Variants in PPP2R2A observed in about 807,000 individuals in gnomAD.
PPP2R2A encodes the protein protein phosphatase 2 regulatory subunit Balpha.
A neutral mutation model predicts 53.2 loss-of-function variants in PPP2R2A; 9 were observed. The observed-to-expected ratio is 0.17, with a 90% CI of 0.10 to 0.30. The LOEUF is 0.30. PPP2R2A is among the 10% of genes least tolerant of loss of function. PPP2R2A has a pLI of 1.00. For missense variants in PPP2R2A, 235 were observed against 534.6 expected (o/e 0.44, Z 5.53); for synonymous variants, 169 against 174.2 (o/e 0.97, Z 0.23).
chr8:26,297,115 GGTGTGT>G (rs370450342), intron 2 of PPP2R2A, among the ~76,000 whole-genome samples: 2 of 151,236 alleles, frequency 1.3e-5, no homozygotes, highest in Admixed American at 6.6e-5. Context: ...AAATTCTTTT[GGTGTGT>G]GTGTGTGTGT....
intron 1 of PPP2R2A, chr8:26,292,141 A>T: frequency 1.7e-6 from 2 of 1,209,914 alleles, no homozygotes; most frequent in Non-Finnish European, 2.1e-6. Context: ...CCCGCTCGGG[A>T]GCCTGGTGGA....
intron 4 of PPP2R2A, among the ~76,000 whole-genome samples, chr8:26,355,171 T>G (rs778460977): frequency 6.6e-6 from 1 of 152,190 alleles, no homozygotes; most frequent in Non-Finnish European, 1.5e-5. Context: ...GAGAGCACTT[T>G]CTTACTTGAT....
At position 26,360,331 on chromosome 8, in the gene PPP2R2A, T is replaced by C; in HGVS notation, c.459+50T>C. 9.1e-7 allele frequency: 1 copy of C among 1,099,392 alleles called. No homozygotes were observed. The highest frequency in any genetic ancestry group is 1.4e-6 in the Non-Finnish European group (1 of 737,696). The allele number at this position is 1,099,392 out of a possible 1,614,324, so 68.1% of individuals were successfully genotyped here. A position where few individuals can be genotyped will look rare whatever the true frequency, so the allele number is the denominator to read the frequency against. On this transcript the variant is annotated intron_variant, in intron 5 of 9. Coordinates refer to ENST00000380737, the MANE Select transcript of PPP2R2A (RefSeq NM_002717.4). This position sits in a 1 kb window ranked among gnomAD's most constrained non-coding sequence, Gnocchi z 4.5. The stretch of plus-strand genomic sequence containing the variant: ...ACAGATAGTGCTTGTATTCATATTA[T>C]ATAGCCCAAATCCTGAGCAGAGCTT...
intron 2 of PPP2R2A, among the ~76,000 whole-genome samples, chr8:26,299,091 T>C (rs1350159475): frequency 2.0e-5 from 3 of 152,046 alleles, no homozygotes; most frequent in Admixed American, 6.5e-5. Flanking sequence ...CTGGACAACA[T>C]AGTGAGACCT....
At chr8:26,317,980 G>A (rs1229153177) in intron 2 of PPP2R2A, among the ~76,000 whole-genome samples, 2 of 152,184 alleles carry the variant, frequency 1.3e-5, no homozygotes, top group African/African-American at 4.8e-5. Context: ...TTAATGATGT[G>A]ACAGAAATTT....
At chr8:26,342,282 G>A (rs564313091) in intron 3 of PPP2R2A, among the ~76,000 whole-genome samples, 7 of 152,078 alleles carry the variant, frequency 4.6e-5, no homozygotes, top group Non-Finnish European at 1.0e-4. Context: ...AGCATGACCC[G>A]ATATAAGTGA....
rs150171932 is a variant in PPP2R2A, at chr8:26,293,962, A to G, written c.82+222A>G. 1.3e-4 allele frequency: 69 copies of G among 520,444 alleles called. No homozygotes were observed. The East Asian group carries it at 2.2e-3, about 16-fold the overall frequency. 32.2% of individuals were successfully genotyped at this position (520,444 alleles called of 1,614,324 possible). On this transcript the variant is annotated intron_variant, in intron 2 of 9. Coordinates refer to ENST00000380737, the MANE Select transcript of PPP2R2A (RefSeq NM_002717.4). ...ATTTTTTCCTCTGAATTTACATGGA[A>G]GGAGCGGTAGATGATGAGACATATA... is the stretch of plus-strand genomic sequence containing the variant.
intron 1 of PPP2R2A, 21 bp from the exon 2 acceptor site, chr8:26,293,645 T>A (rs775759944): frequency 1.2e-6 from 2 of 1,605,706 alleles, no homozygotes; most frequent in South Asian, 2.2e-5. Flanking sequence ...CGGTTTTAAT[T>A]GGTATGTTTT....
At chr8:26,361,746 G>A (rs1303849790) in intron 6 of PPP2R2A, among the ~76,000 whole-genome samples, 1 of 152,042 alleles carries the variant, frequency 6.6e-6, no homozygotes, top group East Asian at 1.9e-4. Context: ...GATCACCTAA[G>A]GTCAGTAGTT....
chr8:26,293,797 A>T lies in PPP2R2A; in HGVS notation c.82+57A>T, dbSNP rs372615585. ...TATAATTTTTGCAGAAATGTTTCCTACTGGAGGATTTCCTTGAAGCCGAGA... is the reference window on the plus strand; with the variant it reads ...TATAATTTTTGCAGAAATGTTTCCTTCTGGAGGATTTCCTTGAAGCCGAGA... On this transcript the variant is annotated intron_variant, in intron 2 of 9. Coordinates refer to ENST00000380737, the MANE Select transcript of PPP2R2A (RefSeq NM_002717.4). 8 of 1,499,554 alleles carry T rather than the reference A, an allele frequency of 5.3e-6. No individual in the cohort carries two copies. In the Admixed American group the frequency reaches 8.4e-5, roughly 16 times the overall value. 92.9% of individuals were successfully genotyped at this position (1,499,554 alleles called of 1,614,324 possible).
intron 2 of PPP2R2A, among the ~76,000 whole-genome samples, chr8:26,334,297 T>C (rs1006679832): frequency 3.9e-5 from 6 of 152,234 alleles, no homozygotes; most frequent in Non-Finnish European, 8.8e-5. Context: ...TTTGTGAGAA[T>C]ATAACTCAAC....
intron 9 of PPP2R2A, among the ~76,000 whole-genome samples, chr8:26,368,390 C>T (rs905942390): frequency 1.3e-5 from 2 of 152,010 alleles, no homozygotes; most frequent in Non-Finnish European, 1.5e-5. Flanking sequence ...GGTAGCAGAC[C>T]CTTTCCAAAT....
chr8:26,310,859 C>A, intron 2 of PPP2R2A, among the ~76,000 whole-genome samples: 1 of 151,876 alleles, frequency 6.6e-6, no homozygotes, highest in Non-Finnish European at 1.5e-5. Flanking sequence ...ATGTTGGAGC[C>A]TTTTTGTGTT....
At chr8:26,312,002 A>G (rs1247628150) in intron 2 of PPP2R2A, among the ~76,000 whole-genome samples, 1 of 151,296 alleles carries the variant, frequency 6.6e-6, no homozygotes, top group African/African-American at 2.4e-5. Context: ...ACCTAGGGCA[A>G]CGTTGTAAAT....
At chr8:26,352,199 A>G (rs1804553576) in intron 3 of PPP2R2A, among the ~76,000 whole-genome samples, 1 of 152,242 alleles carries the variant, frequency 6.6e-6, no homozygotes, top group Non-Finnish European at 1.5e-5. Context: ...TTTTTAAAAC[A>G]AAAACATTGT....
Position 26,291,751 on chromosome 8 carries a change from G to T in PPP2R2A, c.-69G>T. On this transcript the variant is annotated 5_prime_UTR_variant, in exon 1 of 10. It adds an upstream start codon to the 5' untranslated region. Coordinates refer to ENST00000380737, the MANE Select transcript of PPP2R2A (RefSeq NM_002717.4). ...CGCCCTCTCTACCCCCCCATCCCCA[G>T]GTGAGGGGGGTGAGTTCAGGAAGCG... The T allele has an allele frequency of 7.1e-7, 1 of 1,402,984 alleles. No homozygotes were observed. Among genetic ancestry groups the T allele is most frequent in the East Asian group, 4.0e-5 (1 of 25,112 alleles). The allele number at this position is 1,402,984 out of a possible 1,614,324, so 86.9% of individuals were successfully genotyped here.
At chr8:26,359,400 A>G (rs1271676085) in intron 4 of PPP2R2A, among the ~76,000 whole-genome samples, 1 of 152,222 alleles carries the variant, frequency 6.6e-6, no homozygotes, top group Admixed American at 6.5e-5. Context: ...CACACGTACC[A>G]TGGTTGCGTA....
rs1195478461 is a variant in PPP2R2A at position 26,291,712 on chromosome 8, C to G, written c.-108C>G. ...CCCCGTCCCCTCCCCCCGCAGGTGC[C>G]ATCCGCCGCCATCCGCCCTCTCTAC... On this transcript the variant is annotated 5_prime_UTR_variant, in exon 1 of 10. Coordinates refer to ENST00000380737, the MANE Select transcript of PPP2R2A (RefSeq NM_002717.4). The G allele has an allele frequency of 1.5e-5, 14 of 910,254 alleles. No homozygotes were observed. The highest frequency in any genetic ancestry group is 2.1e-5 in the Non-Finnish European group (13 of 621,856). 56.4% of individuals were successfully genotyped at this position (910,254 alleles called of 1,614,324 possible).
intron 2 of PPP2R2A, among the ~76,000 whole-genome samples, chr8:26,294,839 T>C (rs1272770605): frequency 6.6e-6 from 1 of 152,022 alleles, no homozygotes. Flanking sequence ...GTGTAGATTA[T>C]ACTTGTCATA....
Sources: allele counts gnomAD v4.1 joint callset (sites outside exome capture counted in the v4.1 genomes callset), GRCh38; gene constraint gnomAD v4.1.1; non-coding constraint Gnocchi (gnomAD v3.1); transcripts MANE v1.5; gene names NCBI Gene and HGNC (gene_info 2026-07-23, HGNC 2026-07-21).